Variants in TMEM175 observed in about 807,000 individuals in gnomAD.
TMEM175 encodes the protein transmembrane protein 175.
A neutral mutation model predicts 36.5 loss-of-function variants in TMEM175; 36 were observed. The ratio of observed to expected loss-of-function variants is 0.99; its 90% CI spans 0.76 to 1.30. TMEM175 has a LOEUF of 1.30. TMEM175 is among the 50% of genes most tolerant of loss of function. The pLI, the probability that TMEM175 is intolerant of heterozygous loss-of-function variation, is 0.00. For synonymous variants in TMEM175, 339 were observed against 313.4 expected (o/e 1.08, Z -0.86); for missense variants, 705 against 692.8 (o/e 1.02, Z -0.20).
At chr4:936,616 C>T (rs149261175) in intron 1 of TMEM175, among the ~76,000 whole-genome samples, 2,529 of 151,728 alleles carry the variant, frequency 0.017, 31 homozygotes, top group Non-Finnish European at 0.024. Context: ...TTACACTAAA[C>T]GAACAAATTC....
intron 6 of TMEM175, among the ~76,000 whole-genome samples, 191 bp from the exon 7 acceptor site, chr4:952,176 G>A (rs945813532): frequency 6.6e-6 from 1 of 152,206 alleles, no homozygotes; most frequent in Non-Finnish European, 1.5e-5. Context: ...TGAGACATCT[G>A]GTGGAGTTGG....
At position 958,172 on chromosome 4, in the gene TMEM175, G is replaced by C; in HGVS notation, c.1191G>C (p.Ala397=). ...SIFQLAMWTT[A]LLHQAETLQP... ...TCCAGCTGGCCATGTGGACCACGGC[G>C]CTGCTGCACCAGGCGGAGACGCTGC... The change falls in exon 11 of 11, where the codon GCG becomes GCC. Residue 397 remains alanine (A), a synonymous_variant. Coordinates refer to ENST00000264771, the MANE Select transcript of TMEM175 (RefSeq NM_032326.4). The C allele has an allele frequency of 6.2e-7, 1 of 1,603,366 alleles. No homozygotes were observed.
rs1726082961 is a variant in TMEM175 at position 932,485 on chromosome 4, C to T, written c.-87C>T. 8.3e-6 allele frequency: 4 copies of T among 483,708 alleles called. No homozygotes were observed. The South Asian group carries it at 1.3e-4, about 15-fold the overall frequency. The allele number at this position is 483,708 out of a possible 1,614,324, so 30.0% of individuals were successfully genotyped here. On this transcript the variant is annotated 5_prime_UTR_variant, in exon 1 of 11. Coordinates refer to ENST00000264771, the MANE Select transcript of TMEM175 (RefSeq NM_032326.4). This position sits in a 1 kb window ranked among gnomAD's most constrained non-coding sequence, Gnocchi z 4.0. The stretch of plus-strand genomic sequence containing the variant: ...GAACTTCCGGCTGTCAAGCTCCCGG[C>T]CGGGCTGACTCAAGCGGAGGCGCGC...
rs749350997 is a variant in TMEM175, at chr4:951,670, C to T, written c.343-12C>T. The T allele has an allele frequency of 1.2e-6, 2 of 1,613,970 alleles. No homozygotes were observed. The highest frequency in any genetic ancestry group is 1.7e-5 in the Admixed American group (1 of 59,988). ...GGCCGCATCATGGCTGTGATGCCCT[C>T]CCTCCCTCCAGGCCTGCATGATGAC... On this transcript the variant is annotated splice_polypyrimidine_tract_variant and intron_variant, in intron 5 of 10. Transcript: ENST00000264771.
At chr4:950,226 C>T (rs372020186) in intron 3 of TMEM175, among the ~76,000 whole-genome samples, 195 bp from the exon 4 acceptor site, 14 of 152,150 alleles carry the variant, frequency 9.2e-5, no homozygotes, top group African/African-American at 3.1e-4. Context: ...CAGCTGGAGA[C>T]GGAGGCTGGA....
rs1327353126 is a variant in TMEM175, at chr4:948,485, C to T, written c.192+331C>T. On this transcript the variant is annotated intron_variant, in intron 3 of 10. Transcript: ENST00000264771. ...GAAGGTTCCGGGCCTGCCCCAAGGA[C>T]AGAAGTTTCCTCTGCGGGAGGGCAG... 6.3e-6 allele frequency: 9 copies of T among 1,438,578 alleles called. No homozygotes were observed. In the East Asian group the frequency reaches 1.6e-4, roughly 25 times the overall value. 89.1% of individuals were successfully genotyped at this position (1,438,578 alleles called of 1,614,324 possible).
In TMEM175 at chr4:958,257, T is replaced by G; in HGVS notation, c.1276T>G (p.Tyr426Asp). The G allele has an allele frequency of 6.2e-7, 1 of 1,606,084 alleles. No individual in the cohort carries two copies. The highest frequency in any genetic ancestry group is 8.5e-7 in the Non-Finnish European group (1 of 1,179,080). ...HVLMFAKLAL[Y>D]PCASLLAFAS... The stretch of plus-strand genomic sequence containing the variant: ...GCTCATGTTCGCCAAGCTGGCGCTG[T>G]ACCCCTGTGCCAGCCTGCTGGCCTT... The change falls in exon 11 of 11, where the codon TAC becomes GAC. Residue 426 changes from tyrosine (Y) to aspartate (D), a missense_variant. Physicochemically the swap from Tyr to Asp is radical, Grantham distance 160. Coordinates refer to ENST00000264771, the MANE Select transcript of TMEM175 (RefSeq NM_032326.4).
chr4:947,716 T>C lies in TMEM175; in HGVS notation c.-24T>C, dbSNP rs976315932. ...ACCTGCCTTTCCTCCCAGGCTCCTGTAACCGCCAGGCAGCGGCCCCGCCAT... is the reference window on the plus strand; with the variant it reads ...ACCTGCCTTTCCTCCCAGGCTCCTGCAACCGCCAGGCAGCGGCCCCGCCAT... On this transcript the variant is annotated 5_prime_UTR_variant, in exon 2 of 11. Transcript: ENST00000264771. 3.5e-5 allele frequency: 55 copies of C among 1,582,056 alleles called. No individual in the cohort carries two copies. The highest frequency in any genetic ancestry group is 4.6e-5 in the Non-Finnish European group (54 of 1,163,070).
chr4:948,918 G>A (rs533813481), intron 3 of TMEM175, among the ~76,000 whole-genome samples: 39 of 152,332 alleles, frequency 2.6e-4, no homozygotes, highest in Non-Finnish European at 3.4e-4. Flanking sequence ...TCAGCTGTGC[G>A]AAGGGGATGA....
At position 956,418 on chromosome 4, in the gene TMEM175, TCGTCA is replaced by T. The variant is rs766781559; in HGVS notation, c.842+532_842+536del. 6.2e-6 allele frequency: 8 copies of T among 1,286,798 alleles called. No individual in the cohort carries two copies. In the South Asian group the frequency reaches 1.0e-4, roughly 16 times the overall value. 79.7% of individuals were successfully genotyped at this position (1,286,798 alleles called of 1,614,324 possible). ...TGTTAGAGCGCGCGTCTCGTCTCAG[TCGTCA>T]CGTTTTTGGTTTTTGTGGGGTTTTT... On this transcript the variant is annotated intron_variant, in intron 10 of 10. Coordinates refer to ENST00000264771, the MANE Select transcript of TMEM175 (RefSeq NM_032326.4).
chr4:936,816 G>T (rs565166246), intron 1 of TMEM175, among the ~76,000 whole-genome samples: 3 of 152,142 alleles, frequency 2.0e-5, no homozygotes, highest in African/African-American at 7.2e-5. Context: ...AATTAGCTGC[G>T]CATGGTGGCA....
intron 3 of TMEM175, among the ~76,000 whole-genome samples, chr4:948,838 C>G (rs891676120): frequency 2.0e-5 from 3 of 152,372 alleles, no homozygotes; most frequent in Middle Eastern, 6.8e-3. Flanking sequence ...GTTGGGCCTC[C>G]AGTCCTGACT....
intron 10 of TMEM175, chr4:956,229 T>A: frequency 1.1e-5 from 11 of 1,011,132 alleles, no homozygotes; most frequent in Non-Finnish European, 1.3e-5. Context: ...GCCCCAGGCC[T>A]CACCCCTGCC....
chr4:958,344 G>C lies in TMEM175; in HGVS notation c.1363G>C (p.Val455Leu). 6.2e-7 allele frequency: 1 copy of C among 1,604,280 alleles called. No individual in the cohort carries two copies. The highest frequency in any genetic ancestry group is 1.6e-4 in the Middle Eastern group (1 of 6,062). ...VGIFHLMQIA[V>L]PCAFLLLRLL... ...CATCTTCCACCTCATGCAGATCGCCGTGCCCTGCGCCTTCCTGTTGCTGCG... is the reference window on the plus strand; with the variant it reads ...CATCTTCCACCTCATGCAGATCGCCCTGCCCTGCGCCTTCCTGTTGCTGCG... Residue 455 changes from valine (V) to leucine (L), a missense_variant, in exon 11 of 11, where the codon GTG becomes CTG. Physicochemically the swap from Val to Leu is conservative, Grantham distance 32. Coordinates refer to ENST00000264771, the MANE Select transcript of TMEM175 (RefSeq NM_032326.4).
chr4:948,571 C>T, intron 3 of TMEM175: 1 of 1,323,524 alleles, frequency 7.6e-7, no homozygotes, highest in South Asian at 1.2e-5. Flanking sequence ...AGCGCCCCGT[C>T]TCAGCGGGGA....
chr4:956,384 C>G, intron 10 of TMEM175: 2 of 1,290,632 alleles, frequency 1.5e-6, no homozygotes, highest in Non-Finnish European at 2.0e-6. Flanking sequence ...CCTCATCTGC[C>G]TCTTCGTCTG....
At chr4:957,184 C>T (rs975067306) in intron 10 of TMEM175, among the ~76,000 whole-genome samples, 2 of 152,164 alleles carry the variant, frequency 1.3e-5, no homozygotes, top group African/African-American at 4.8e-5. Flanking sequence ...CCTCACCCCT[C>T]GCCCTCTGCG....
At chr4:945,462 C>CCA (rs1389416303) in intron 1 of TMEM175, among the ~76,000 whole-genome samples, 4 of 152,166 alleles carry the variant, frequency 2.6e-5, no homozygotes, top group African/African-American at 9.7e-5. Flanking sequence ...CGCCTCACGC[C>CCA]CACCACCCTG....
intron 1 of TMEM175, among the ~76,000 whole-genome samples, chr4:944,443 C>G (rs1238616442): frequency 6.6e-6 from 1 of 152,170 alleles, no homozygotes; most frequent in East Asian, 1.9e-4. Flanking sequence ...TGGTTACATG[C>G]CTGTCTGCAT....
Sources: gnomAD v4.1 joint callset for allele counts (sites outside exome capture counted in the v4.1 genomes callset) on GRCh38, gnomAD v4.1.1 for gene constraint, Gnocchi (gnomAD v3.1) non-coding constraint, MANE v1.5 for transcripts, NCBI Gene and HGNC (gene_info 2026-07-23, HGNC 2026-07-21) for gene names.